Variants in RASSF3 observed in about 807,000 individuals in gnomAD.
RASSF3 encodes the protein Ras association domain family member 3.
Under a neutral mutation model 19.9 loss-of-function variants are expected in RASSF3, and 19 were observed. The observed-to-expected ratio is 0.96, with a 90% CI of 0.67 to 1.40. The LOEUF is 1.40. Among genes scored for constraint, RASSF3 ranks in the 40% most tolerant of loss-of-function variants. The probability of loss-of-function intolerance (pLI) is 0.00; values close to 1 mark genes in which losing one functional copy is unlikely to be tolerated. For missense variants in RASSF3, 306 were observed against 289.8 expected (o/e 1.06, Z -0.41); for synonymous variants, 110 against 104.2 (o/e 1.06, Z -0.34).
At chr12:64,688,097 A>C (rs1565871999) in intron 2 of RASSF3, 119 bp from the exon 3 acceptor site, 1 of 771,878 alleles carries the variant, frequency 1.3e-6, no homozygotes, top group African/African-American at 1.7e-5. Context: ...AAGTTCTGCC[A>C]CAAACCTCAA....
chr12:64,583,168 G>C (rs1162579615), intron 2 of RASSF3, among the ~76,000 whole-genome samples: 2 of 152,150 alleles, frequency 1.3e-5, no homozygotes, highest in Admixed American at 1.3e-4. Flanking sequence ...TTGAGTCTGT[G>C]TTCCAGAATA....
chr12:64,592,410 T>A (rs1266277421), intron 2 of RASSF3, among the ~76,000 whole-genome samples: 1 of 152,238 alleles, frequency 6.6e-6, no homozygotes, highest in Non-Finnish European at 1.5e-5. Flanking sequence ...TTTTTGTTAC[T>A]ATAAATAATG....
intron 1 of RASSF3, among the ~76,000 whole-genome samples, chr12:64,517,644 G>C (rs894992238): frequency 1.3e-5 from 2 of 150,894 alleles, no homozygotes. Flanking sequence ...TTTGACACAG[G>C]GTCTTGTTCT....
chr12:64,577,600 C>T (rs192307391), intron 2 of RASSF3, among the ~76,000 whole-genome samples: 1 of 152,048 alleles, frequency 6.6e-6, no homozygotes, highest in African/African-American at 2.4e-5. Context: ...GGTGTAGTGG[C>T]AGGCTCCTCT....
chr12:64,637,531 G>A (rs574792924), intron 1 of RASSF3, among the ~76,000 whole-genome samples: 4 of 151,106 alleles, frequency 2.6e-5, no homozygotes, highest in South Asian at 4.2e-4. Context: ...CTGGGTTCCA[G>A]CAATTCTCAT....
In RASSF3 at chr12:64,610,542, C is replaced by A; in HGVS notation, c.-91C>A. On this transcript the variant is annotated 5_prime_UTR_variant, in exon 1 of 5. Transcript: ENST00000542104. Reference sequence around the variant, plus strand: ...CATAAGGACTGCCCGGGGCTGCGCGCCGGGAACCTCGCGGGGCTGGCGGGC... The same window carrying A: ...CATAAGGACTGCCCGGGGCTGCGCGACGGGAACCTCGCGGGGCTGGCGGGC... The A allele has an allele frequency of 1.9e-6, 1 of 520,344 alleles. No homozygotes were observed. Among genetic ancestry groups the A allele is most frequent in the Non-Finnish European group, 2.9e-6 (1 of 347,326 alleles). The allele number at this position is 520,344 out of a possible 1,614,324, so 32.2% of individuals were successfully genotyped here. A position where few individuals can be genotyped will look rare whatever the true frequency, so the allele number is the denominator to read the frequency against.
At chr12:64,680,406 C>T (rs796610894) in intron 1 of RASSF3, among the ~76,000 whole-genome samples, 5 of 151,970 alleles carry the variant, frequency 3.3e-5, no homozygotes, top group African/African-American at 1.2e-4. Flanking sequence ...CACCACGCCC[C>T]GTGAGGACGG....
At chr12:64,655,426 TC>T (rs748619303) in intron 1 of RASSF3, among the ~76,000 whole-genome samples, 1 of 152,130 alleles carries the variant, frequency 6.6e-6, no homozygotes, top group Non-Finnish European at 1.5e-5. Flanking sequence ...AGCCCTGATG[TC>T]CTAAAGGAGA....
intron 1 of RASSF3, among the ~76,000 whole-genome samples, chr12:64,672,007 C>T (rs1565867225): frequency 6.6e-6 from 1 of 152,142 alleles, no homozygotes. Context: ...AATAGTTTAA[C>T]CCCCTGTGGC....
At chr12:64,573,410 T>C (rs1417557203) in intron 2 of RASSF3, among the ~76,000 whole-genome samples, 2 of 152,246 alleles carry the variant, frequency 1.3e-5, no homozygotes, top group East Asian at 1.9e-4. Context: ...ATACATTATT[T>C]TATTTCATGT....
At chr12:64,582,727 G>A (rs566288091) in intron 2 of RASSF3, among the ~76,000 whole-genome samples, 16 of 152,176 alleles carry the variant, frequency 1.1e-4, no homozygotes, top group African/African-American at 2.9e-4. Context: ...AGTACCCTGC[G>A]GTGTGCTTCT....
chr12:64,537,043 C>T (rs4964110), intron 1 of RASSF3, among the ~76,000 whole-genome samples: 22,974 of 152,170 alleles, frequency 0.15, 2,263 homozygotes, highest in African/African-American at 0.28. Context: ...GACTTCTCTA[C>T]GGCACATCAC....
intron 1 of RASSF3, among the ~76,000 whole-genome samples, chr12:64,671,700 T>C (rs1200627843): frequency 6.6e-6 from 1 of 152,264 alleles, no homozygotes; most frequent in Non-Finnish European, 1.5e-5. Flanking sequence ...AACCTAGAGC[T>C]GCACTTCTGA....
At chr12:64,550,349 G>A (rs1395816133) in intron 2 of RASSF3, among the ~76,000 whole-genome samples, 2 of 151,980 alleles carry the variant, frequency 1.3e-5, no homozygotes, top group Non-Finnish European at 1.5e-5. Flanking sequence ...AGAAAGAAAA[G>A]GAGAAGAGAA....
chr12:64,561,294 C>T (rs376427552), intron 2 of RASSF3, among the ~76,000 whole-genome samples: 1 of 152,148 alleles, frequency 6.6e-6, no homozygotes, highest in Non-Finnish European at 1.5e-5. Context: ...GATGATTTCA[C>T]GTGATGTCTT....
At chr12:64,620,147 G>A (rs1048320919) in intron 1 of RASSF3, among the ~76,000 whole-genome samples, 11 of 151,742 alleles carry the variant, frequency 7.2e-5, no homozygotes, top group African/African-American at 2.2e-4. Flanking sequence ...CATGGGGGGC[G>A]TATATAGGTT....
At chr12:64,634,851 G>A (rs2136176398) in intron 1 of RASSF3, among the ~76,000 whole-genome samples, 1 of 149,988 alleles carries the variant, frequency 6.7e-6, no homozygotes, top group Non-Finnish European at 1.5e-5. Context: ...ATCCTTCTTA[G>A]TGCCTCAAAC....
chr12:64,590,855 G>GGTAA (rs1364767737), intron 2 of RASSF3, among the ~76,000 whole-genome samples: 1 of 152,138 alleles, frequency 6.6e-6, no homozygotes, highest in Non-Finnish European at 1.5e-5. Flanking sequence ...AGACCCTTTA[G>GGTAA]GTAACAGTGG....
At position 64,571,165 on chromosome 12, in the gene RASSF3, C is replaced by T. The variant is rs577722172; in HGVS notation, c.294+29460C>T. ...GGTGGAGGTTACAGAGAGCCGAGAT[C>T]GCGCCATTACACTCCAACCTGGGCA... On this transcript the variant is annotated intron_variant, in intron 2 of 5. Coordinates refer to the RASSF3 transcript ENST00000637125. 5.9e-5 allele frequency among the ~76,000 whole-genome samples: 9 copies of T among 152,080 alleles called. No individual in the cohort carries two copies. In the East Asian group the frequency reaches 7.7e-4, roughly 13 times the overall value.
Sources: gnomAD v4.1 joint callset for allele counts (sites outside exome capture counted in the v4.1 genomes callset) on GRCh38, gnomAD v4.1.1 for gene constraint, MANE v1.5 for transcripts, NCBI Gene and HGNC (gene_info 2026-07-23, HGNC 2026-07-21) for gene names.